Variants in DYNC1H1 observed in about 807,000 individuals in gnomAD.
DYNC1H1 encodes the protein cytoplasmic dynein 1 heavy chain 1.
DYNC1H1 carries 51 observed loss-of-function variants against 527.1 expected under a neutral mutation model. That is an observed-to-expected ratio of 0.10 (90% CI 0.08 to 0.12). The LOEUF is 0.12. Ranked by LOEUF, DYNC1H1 falls within the 10% of genes least tolerant of loss-of-function variation. The pLI, the probability that DYNC1H1 is intolerant of heterozygous loss-of-function variation, is 1.00. For missense variants in DYNC1H1, 2,771 were observed against 5,971.8 expected (o/e 0.46, Z 17.66); for synonymous variants, 2,189 against 2,278.8 (o/e 0.96, Z 1.12).
chr14:102,014,279 A>T (rs1213609676), intron 34 of DYNC1H1, among the ~76,000 whole-genome samples: 1 of 152,176 alleles, frequency 6.6e-6, no homozygotes, highest in Admixed American at 6.5e-5. Context: ...CGTGCCTGTC[A>T]TCCCAGTACT....
intron 11 of DYNC1H1, among the ~76,000 whole-genome samples, chr14:101,992,572 C>T (rs1002567847): frequency 1.3e-5 from 2 of 152,210 alleles, no homozygotes; most frequent in African/African-American, 2.4e-5. Flanking sequence ...CCCTCACTCT[C>T]GTTTAGCTGT....
chr14:102,046,883 C>G (rs886622984), intron 72 of DYNC1H1, among the ~76,000 whole-genome samples: 2 of 152,072 alleles, frequency 1.3e-5, no homozygotes, highest in African/African-American at 4.8e-5. Flanking sequence ...ACTGCAGCCT[C>G]AGCTTTCTGG....
intron 77 of DYNC1H1, 27 bp from the exon 78 acceptor site, chr14:102,050,408 C>T: frequency 2.5e-6 from 4 of 1,614,198 alleles, no homozygotes; most frequent in Non-Finnish European, 3.4e-6. Context: ...TCCCTTAAGC[C>T]ACCAGTAAAC....
At chr14:102,021,582 G>A (rs1595620125) in intron 42 of DYNC1H1, among the ~76,000 whole-genome samples, 2 of 151,320 alleles carry the variant, frequency 1.3e-5, no homozygotes, top group Non-Finnish European at 2.9e-5. Context: ...TCACAGTCTC[G>A]CCTGCTTGCC....
At chr14:102,040,210 T>C (rs2152595574) in intron 62 of DYNC1H1, 26 bp from the exon 63 acceptor site, 3 of 1,613,904 alleles carry the variant, frequency 1.9e-6, no homozygotes, top group Non-Finnish European at 2.5e-6. Context: ...TGAGAGACCC[T>C]AGCTAACCTG....
rs772476322 is a variant in DYNC1H1 at position 102,008,192 on chromosome 14, C to A, written c.5832C>A (p.Ile1944=). 1 of 1,614,178 alleles carries A rather than the reference C, an allele frequency of 6.2e-7. No individual in the cohort carries two copies. The highest frequency in any genetic ancestry group is 8.5e-7 in the Non-Finnish European group (1 of 1,180,034). ...CTCCTTTCCAGGCAATGGGCCGGATCTTTGTGGGCCTTTGCCAGGTGGGTG... is the reference window on the plus strand; with the variant it reads ...CTCCTTTCCAGGCAATGGGCCGGATATTTGTGGGCCTTTGCCAGGTGGGTG... ...ETFDFQAMGR[I]FVGLCQVGAW... is the part of the protein sequence containing the mutation. The change falls in exon 29 of 78, where the codon ATC becomes ATA. Residue 1944 remains isoleucine (I), a synonymous_variant. Transcript: ENST00000360184.
At chr14:101,992,618 A>G (rs1385639020) in intron 11 of DYNC1H1, among the ~76,000 whole-genome samples, 2 of 152,092 alleles carry the variant, frequency 1.3e-5, no homozygotes, top group East Asian at 3.9e-4. Context: ...TCAGCACCTA[A>G]ACGGGACCCC....
chr14:102,050,046 C>G (rs773283462), intron 76 of DYNC1H1, 25 bp from the exon 77 acceptor site: 3 of 1,527,974 alleles, frequency 2.0e-6, no homozygotes, highest in Non-Finnish European at 2.6e-6. Flanking sequence ...TCACCTCAGC[C>G]TGGGTTTTGG....
intron 29 of DYNC1H1, chr14:102,009,545 A>G (rs1756615165): frequency 2.8e-6 from 1 of 357,820 alleles, no homozygotes; most frequent in Admixed American, 4.4e-5. Flanking sequence ...CTGCATCTCT[A>G]TCTCGAGTTC....
At chr14:101,995,428 G>A (rs1308810100) in intron 15 of DYNC1H1, 128 bp downstream of exon 15, 55 of 1,178,096 alleles carry the variant, frequency 4.7e-5, no homozygotes, top group East Asian at 1.0e-4. Flanking sequence ...TGGCTAACAC[G>A]GTGAAATGCT....
At position 102,032,214 on chromosome 14, in the gene DYNC1H1, A is replaced by C. The variant is rs1175750682; in HGVS notation, c.9884-58A>C. The C allele has an allele frequency of 3.1e-6, 5 of 1,608,566 alleles. No homozygotes were observed. The African/African-American group carries it at 5.4e-5, about 17-fold the overall frequency. The stretch of plus-strand genomic sequence containing the variant: ...CTGGCTGTTTTGGTTCATTCTCACC[A>C]TGCTTTGCTCTATCTTCTCCCACCC... On this transcript the variant is annotated intron_variant, in intron 51 of 77. Transcript: ENST00000360184.
rs1298879738 is a variant in DYNC1H1 at position 102,041,322 on chromosome 14, G to C, written c.11942-252G>C. The C allele has an allele frequency of 3.6e-6, 2 of 560,406 alleles. No homozygotes were observed. Among genetic ancestry groups the C allele is most frequent in the African/African-American group, 1.9e-5 (1 of 52,998 alleles). The allele number at this position is 560,406 out of a possible 1,614,324, so 34.7% of individuals were successfully genotyped here. A position where few individuals can be genotyped will look rare whatever the true frequency, so the allele number is the denominator to read the frequency against. On this transcript the variant is annotated intron_variant, in intron 64 of 77. Coordinates refer to ENST00000360184, the MANE Select transcript of DYNC1H1 (RefSeq NM_001376.5). This position sits in a 1 kb window ranked among gnomAD's most constrained non-coding sequence, Gnocchi z 4.5. ...GTTCTCAGGAAGTGAGCAGGTATTAGTTTAGTAATCTAAAAATCAGCAAAT... is the reference window on the plus strand; with the variant it reads ...GTTCTCAGGAAGTGAGCAGGTATTACTTTAGTAATCTAAAAATCAGCAAAT...
intron 51 of DYNC1H1, chr14:102,030,742 A>G (rs2048501513): frequency 1.7e-5 from 4 of 238,926 alleles, no homozygotes; most frequent in South Asian, 5.4e-5. Flanking sequence ...TTACATGCCT[A>G]TAAGATGCTA....
chr14:102,003,100 TA>T, intron 23 of DYNC1H1, 135 bp downstream of exon 23: 1 of 1,175,766 alleles, frequency 8.5e-7, no homozygotes, highest in Non-Finnish European at 1.2e-6. Flanking sequence ...ATAATACATA[TA>T]ATGATTACCA....
At chr14:101,974,505 T>G (rs2047777888) in intron 1 of DYNC1H1, among the ~76,000 whole-genome samples, 1 of 152,252 alleles carries the variant, frequency 6.6e-6, no homozygotes, top group Non-Finnish European at 1.5e-5. Flanking sequence ...TTTCATACAG[T>G]ACGTTATTGC....
intron 2 of DYNC1H1, among the ~76,000 whole-genome samples, chr14:101,977,607 A>G (rs978566287): frequency 5.3e-5 from 8 of 152,122 alleles, no homozygotes; most frequent in African/African-American, 1.9e-4. Context: ...TGTCCCTTAT[A>G]CTAATTTTCC....
Position 102,015,397 on chromosome 14 carries a change from G to T in DYNC1H1, c.7242+65G>T, listed in dbSNP as rs1038984126. The T allele has an allele frequency of 6.6e-7, 1 of 1,510,718 alleles. No individual in the cohort carries two copies. Among genetic ancestry groups the T allele is most frequent in the Non-Finnish European group, 8.9e-7 (1 of 1,118,334 alleles). 93.6% of individuals were successfully genotyped at this position (1,510,718 alleles called of 1,614,324 possible). On this transcript the variant is annotated intron_variant, in intron 35 of 77. Transcript: ENST00000360184. This position sits in a 1 kb window ranked among gnomAD's most constrained non-coding sequence, Gnocchi z 6.9. ...TGCTAGGATATTCAGATGTGGTCTC[G>T]CTGTGTTGCCCACGCTGGTCTTGAA...
chr14:102,050,818 C>T lies in DYNC1H1; in HGVS notation c.*255C>T. ...GCCGGCTCCGCCTCTTCTGTCTCCG[C>T]TTTCATCCCAGGGCACAGAGCCTTG... is the stretch of plus-strand genomic sequence containing the variant. On this transcript the variant is annotated 3_prime_UTR_variant, in exon 78 of 78. Coordinates refer to ENST00000360184, the MANE Select transcript of DYNC1H1 (RefSeq NM_001376.5). 2.0e-6 allele frequency: 1 copy of T among 488,382 alleles called. No homozygotes were observed. The highest frequency in any genetic ancestry group is 2.0e-5 in the African/African-American group (1 of 51,138). 30.3% of individuals were successfully genotyped at this position (488,382 alleles called of 1,614,324 possible).
Position 101,964,604 on chromosome 14 carries a change from T to A in DYNC1H1, c.-88T>A. ...CGGTGGGCTAGCGGACGGTCCGGCT[T>A]CCGGCGGCCGTTTCTGTCTCTTGCT... On this transcript the variant is annotated 5_prime_UTR_variant, in exon 1 of 78. Coordinates refer to ENST00000360184, the MANE Select transcript of DYNC1H1 (RefSeq NM_001376.5). This position sits in a 1 kb window ranked among gnomAD's most constrained non-coding sequence, Gnocchi z 5.5. 1 of 1,530,260 alleles carries A rather than the reference T, an allele frequency of 6.5e-7. No homozygotes were observed. Among genetic ancestry groups the A allele is most frequent in the Non-Finnish European group, 8.7e-7 (1 of 1,144,200 alleles). The allele number at this position is 1,530,260 out of a possible 1,614,324, so 94.8% of individuals were successfully genotyped here.
Sources: allele counts gnomAD v4.1 joint callset (sites outside exome capture counted in the v4.1 genomes callset), GRCh38; gene constraint gnomAD v4.1.1; non-coding constraint Gnocchi (gnomAD v3.1); transcripts MANE v1.5; gene names NCBI Gene and HGNC (gene_info 2026-07-23, HGNC 2026-07-21).